SGCD: variants seen among roughly 807,000 people sequenced by gnomAD.
SGCD encodes the protein delta-sarcoglycan.
A neutral mutation model predicts 36.6 loss-of-function variants in SGCD; 18 were observed. The ratio of observed to expected loss-of-function variants is 0.49; its 90% CI spans 0.34 to 0.73. The LOEUF is 0.73. SGCD is among the 30% of genes least tolerant of loss of function. The probability of loss-of-function intolerance (pLI) is 0.01; values close to 1 mark genes in which losing one functional copy is unlikely to be tolerated. For missense variants in SGCD, 387 were observed against 346.7 expected (o/e 1.12, Z -0.92); for synonymous variants, 133 against 130.6 (o/e 1.02, Z -0.12).
intron 6 of SGCD, among the ~76,000 whole-genome samples, chr5:156,607,472 A>G (rs11956458): frequency 0.036 from 5,524 of 152,266 alleles, 336 homozygotes; most frequent in African/African-American, 0.13. Flanking sequence ...GGATTTTTGC[A>G]TCGATGTTCA....
At chr5:156,107,405 T>TA (rs1198422083) in intron 1 of SGCD, among the ~76,000 whole-genome samples, 1 of 152,190 alleles carries the variant, frequency 6.6e-6, no homozygotes, top group African/African-American at 2.4e-5. Flanking sequence ...GGTTTCAGGT[T>TA]AAAGTCTCTG....
intron 3 of SGCD, among the ~76,000 whole-genome samples, chr5:156,407,582 GA>G (rs972205185): frequency 7.2e-5 from 11 of 151,768 alleles, no homozygotes; most frequent in African/African-American, 2.2e-4. Flanking sequence ...GAACTTGAAG[GA>G]AAAAAAATGT....
chr5:156,126,420 G>A (rs780239001), intron 3 of SGCD, among the ~76,000 whole-genome samples: 4 of 152,110 alleles, frequency 2.6e-5, no homozygotes, highest in Non-Finnish European at 4.4e-5. Context: ...AATTTTTCTG[G>A]TTTAGAGACC....
At chr5:156,187,997 A>G (rs1237126603) in intron 3 of SGCD, among the ~76,000 whole-genome samples, 1 of 151,830 alleles carries the variant, frequency 6.6e-6, no homozygotes, top group African/African-American at 2.4e-5. Flanking sequence ...AGGGTGAGGC[A>G]GTGAGGTGCC....
intron 4 of SGCD, among the ~76,000 whole-genome samples, chr5:156,576,968 T>A (rs1000853378): frequency 2.6e-5 from 4 of 152,206 alleles, no homozygotes; most frequent in Non-Finnish European, 5.9e-5. Flanking sequence ...TTGCTTTTGG[T>A]GTTTTAGACA....
At chr5:155,798,675 G>A in the SGCD span, among the ~76,000 whole-genome samples, 1,406 of 152,136 alleles carry the variant, frequency 9.2e-3, 20 homozygotes, top group African/African-American at 0.032. Context: ...CTTTGTTTGC[G>A]GGAGGTGATA....
At chr5:156,606,334 A>G (rs183182899) in intron 6 of SGCD, among the ~76,000 whole-genome samples, 2 of 152,036 alleles carry the variant, frequency 1.3e-5, no homozygotes, top group Non-Finnish European at 2.9e-5. Context: ...TTTGTCAGGT[A>G]TGTCAAAGAT....
chr5:156,642,330 G>T (rs554121760), intron 6 of SGCD, among the ~76,000 whole-genome samples: 2 of 152,188 alleles, frequency 1.3e-5, no homozygotes, highest in Admixed American at 1.3e-4. Context: ...ATGCCAGGTT[G>T]ATCAAGTCAG....
intron 1 of SGCD, among the ~76,000 whole-genome samples, chr5:156,111,705 G>A (rs1761790342): frequency 6.6e-6 from 1 of 152,100 alleles, no homozygotes; most frequent in Admixed American, 6.6e-5. Flanking sequence ...TACCATGTAT[G>A]TGCACATGGA....
chr5:156,752,559 A>AT (rs1327971256), intron 7 of SGCD, among the ~76,000 whole-genome samples: 48 of 151,930 alleles, frequency 3.2e-4, no homozygotes, highest in African/African-American at 1.1e-3. Flanking sequence ...CACCCGGCTA[A>AT]TTTTTTTCCA....
At chr5:156,203,105 T>A (rs1764191649) in intron 3 of SGCD, among the ~76,000 whole-genome samples, 1 of 152,086 alleles carries the variant, frequency 6.6e-6, no homozygotes, top group Non-Finnish European at 1.5e-5. Context: ...AGAATTAGTG[T>A]TTTATAGAAG....
chr5:156,309,574 A>G (rs1164859395), intron 3 of SGCD, among the ~76,000 whole-genome samples: 2 of 146,338 alleles, frequency 1.4e-5, no homozygotes, highest in East Asian at 2.0e-4. Context: ...CTTGACTTTC[A>G]TTACATCTTC....
At chr5:155,751,528 A>G in the SGCD span, among the ~76,000 whole-genome samples, 6 of 152,196 alleles carry the variant, frequency 3.9e-5, no homozygotes, top group East Asian at 5.8e-4. Flanking sequence ...CTGGGACTAC[A>G]GGCACATACC....
At chr5:156,444,107 TCTCTCTCTC>T (rs1753641697) in intron 3 of SGCD, among the ~76,000 whole-genome samples, 2 of 102,320 alleles carry the variant, frequency 2.0e-5, no homozygotes, top group African/African-American at 1.1e-4. Context: ...TCTCTCTCTC[TCTCTCTCTC>T]CCCTTCCCTC....
chr5:156,606,331 G>T (rs1454320239), intron 6 of SGCD, among the ~76,000 whole-genome samples: 1 of 152,116 alleles, frequency 6.6e-6, no homozygotes, highest in Non-Finnish European at 1.5e-5. Context: ...CTTTTTGTCA[G>T]GTATGTCAAA....
chr5:156,320,540 C>G (rs1767630189), intron 3 of SGCD, among the ~76,000 whole-genome samples: 1 of 152,126 alleles, frequency 6.6e-6, no homozygotes, highest in African/African-American at 2.4e-5. Context: ...ATCTATTCAG[C>G]TCTATCAGTA....
intron 3 of SGCD, among the ~76,000 whole-genome samples, chr5:156,302,077 A>G (rs1451935407): frequency 2.0e-5 from 3 of 152,122 alleles, no homozygotes; most frequent in Admixed American, 6.5e-5. Context: ...TTCTGTTATT[A>G]TCCCTTTGAA....
At chr5:155,754,145 A>G in the SGCD span, among the ~76,000 whole-genome samples, 2 of 152,176 alleles carry the variant, frequency 1.3e-5, no homozygotes, top group African/African-American at 4.8e-5. Context: ...TGGAGTCCTG[A>G]ATTTGCTCTT....
intron 1 of SGCD, among the ~76,000 whole-genome samples, chr5:155,915,682 A>C (rs1330372998): frequency 6.6e-6 from 1 of 152,208 alleles, no homozygotes; most frequent in African/African-American, 2.4e-5. Context: ...CAAGACTCAC[A>C]TTCTCAAGCA....
Sources: allele counts gnomAD v4.1 joint callset (sites outside exome capture counted in the v4.1 genomes callset), GRCh38; gene constraint gnomAD v4.1.1; transcripts MANE v1.5; gene names NCBI Gene and HGNC (gene_info 2026-07-23, HGNC 2026-07-21).